Variants in CNOT4 observed in about 807,000 individuals in gnomAD.
CNOT4 encodes the protein CCR4-associated factor 4.
In CNOT4, 8 loss-of-function variants were observed where a neutral mutation model predicts 73.8. The ratio of observed to expected loss-of-function variants is 0.11; its 90% confidence interval spans 0.06 to 0.20. The LOEUF (loss-of-function observed/expected upper bound fraction) is 0.20. CNOT4 is among the 10% of genes least tolerant of loss of function. The pLI, the probability that CNOT4 is intolerant of heterozygous loss-of-function variation, is 1.00. For synonymous variants in CNOT4, 293 were observed against 321.1 expected, an observed-to-expected ratio of 0.91 and a Z score of 0.94; for missense variants, 564 against 883.4, an observed-to-expected ratio of 0.64 and a Z score of 4.58.
chr7:135,490,205 C>G (rs1803016730), intron 1 of CNOT4, among the ~76,000 whole-genome samples: 1 of 152,232 alleles, frequency 6.6e-6, no homozygotes, highest in Non-Finnish European at 1.5e-5. Flanking sequence ...CACTATCATT[C>G]TGTTGAAACA....
chr7:135,434,805 T>C (rs1432066390), intron 2 of CNOT4, among the ~76,000 whole-genome samples: 1 of 152,182 alleles, frequency 6.6e-6, no homozygotes, highest in African/African-American at 2.4e-5. Flanking sequence ...TTTCTGATCT[T>C]CTCAAATGTC....
intron 1 of CNOT4, among the ~76,000 whole-genome samples, chr7:135,448,024 T>C (rs868456675): frequency 6.6e-6 from 1 of 152,130 alleles, no homozygotes; most frequent in Non-Finnish European, 1.5e-5. Flanking sequence ...AGGTGCCATG[T>C]GGTCATACAC....
intron 1 of CNOT4, among the ~76,000 whole-genome samples, chr7:135,489,391 CTTTTTTTTTTTTTT>C (rs71174525): frequency 1.2e-5 from 1 of 84,746 alleles, no homozygotes; most frequent in Non-Finnish European, 2.2e-5. Context: ...AGTCACATTT[CTTTTTTTTTTTTTT>C]TTTTTTTTTT....
intron 7 of CNOT4, among the ~76,000 whole-genome samples, chr7:135,409,399 G>A (rs756187205): frequency 3.3e-5 from 5 of 151,996 alleles, no homozygotes; most frequent in South Asian, 2.1e-4. Flanking sequence ...TTTATGTTTC[G>A]CTTTGTGGCC....
At chr7:135,459,429 T>C (rs1800739157) in intron 1 of CNOT4, among the ~76,000 whole-genome samples, 1 of 152,218 alleles carries the variant, frequency 6.6e-6, no homozygotes, top group Non-Finnish European at 1.5e-5. Context: ...ATCCTAGACC[T>C]CTTTCAAATC....
chr7:135,375,483 A>G (rs58813270), intron 10 of CNOT4, among the ~76,000 whole-genome samples: 5,707 of 152,288 alleles, frequency 0.037, 336 homozygotes, highest in African/African-American at 0.12. Context: ...GAGTACACAC[A>G]AAGCATTCTG....
chr7:135,484,701 G>A (rs1401822357), intron 1 of CNOT4, among the ~76,000 whole-genome samples: 1 of 150,902 alleles, frequency 6.6e-6, no homozygotes, highest in Non-Finnish European at 1.5e-5. Flanking sequence ...GTTGCAGTGA[G>A]TCGAGATTGT....
At chr7:135,494,405 G>A (rs2129487821) in intron 1 of CNOT4, among the ~76,000 whole-genome samples, 1 of 148,076 alleles carries the variant, frequency 6.8e-6, no homozygotes, top group Middle Eastern at 3.8e-3. Context: ...AGGAGGTGGA[G>A]GTTTCAGGGA....
chr7:135,374,609 A>C (rs1342322277), intron 10 of CNOT4, among the ~76,000 whole-genome samples: 2 of 146,984 alleles, frequency 1.4e-5, no homozygotes, highest in Non-Finnish European at 3.0e-5. Context: ...ATGACAGAAT[A>C]GTGGAAACTA....
intron 10 of CNOT4, among the ~76,000 whole-genome samples, chr7:135,383,109 A>G (rs770289349): frequency 2.6e-5 from 4 of 152,196 alleles, no homozygotes; most frequent in African/African-American, 9.7e-5. Context: ...TTCTTACTTT[A>G]TCTCTACTGT....
intron 1 of CNOT4, among the ~76,000 whole-genome samples, chr7:135,500,983 CTTT>C (rs869117346): frequency 3.7e-5 from 5 of 134,508 alleles, no homozygotes; most frequent in African/African-American, 8.4e-5. Context: ...TCTACTAAAC[CTTT>C]TTTTTTTTTT....
At chr7:135,370,947 A>G (rs569715687) in intron 10 of CNOT4, among the ~76,000 whole-genome samples, 1 of 152,176 alleles carries the variant, frequency 6.6e-6, no homozygotes, top group Non-Finnish European at 1.5e-5. Flanking sequence ...ACGCATCAAA[A>G]CTGTTTAAAG....
intron 1 of CNOT4, among the ~76,000 whole-genome samples, chr7:135,488,694 T>C (rs1802903788): frequency 6.6e-6 from 1 of 152,218 alleles, no homozygotes; most frequent in African/African-American, 2.4e-5. Flanking sequence ...TGCACTTTTT[T>C]ACCTGATAAA....
chr7:135,491,313 T>G (rs1015732575), intron 1 of CNOT4, among the ~76,000 whole-genome samples: 4 of 152,124 alleles, frequency 2.6e-5, no homozygotes, highest in Admixed American at 2.6e-4. Context: ...ATAGAGAAGA[T>G]AACCAAGGAG....
intron 1 of CNOT4, among the ~76,000 whole-genome samples, chr7:135,447,823 G>A (rs527824991): frequency 6.6e-6 from 1 of 152,188 alleles, no homozygotes; most frequent in Non-Finnish European, 1.5e-5. Flanking sequence ...GCGCCCCTCT[G>A]GGTCTGAACA....
In CNOT4 at chr7:135,410,043, G is replaced by A. The variant is rs571374054; in HGVS notation, c.821+472C>T. 1.3e-4 allele frequency among the ~76,000 whole-genome samples: 20 copies of A among 152,138 alleles called. No homozygotes were observed. The South Asian group carries it at 3.7e-3, about 28-fold the overall frequency. ...AGATTCTGAATATGGGATACTCCCT[G>A]TTCATTTACAGGATTTAAATGACTT... is the stretch of plus-strand genomic sequence containing the variant. On this transcript the variant is annotated intron_variant, in intron 7 of 11. Transcript: ENST00000541284.
At chr7:135,505,434 C>T (rs1016780732) in intron 1 of CNOT4, among the ~76,000 whole-genome samples, 1 of 152,062 alleles carries the variant, frequency 6.6e-6, no homozygotes, top group Non-Finnish European at 1.5e-5. Context: ...CATCTGTAAT[C>T]CCAGCTACTC....
chr7:135,373,059 G>A (rs1280783316), intron 10 of CNOT4, among the ~76,000 whole-genome samples: 1 of 152,128 alleles, frequency 6.6e-6, no homozygotes, highest in East Asian at 1.9e-4. Context: ...TACACAGGGA[G>A]AATCTGATGG....
At chr7:135,395,118 T>TG (rs1796605581) in intron 9 of CNOT4, among the ~76,000 whole-genome samples, 1 of 152,188 alleles carries the variant, frequency 6.6e-6, no homozygotes, top group African/African-American at 2.4e-5. Context: ...CCAGGTGCAG[T>TG]GCTTCATGCC....
Sources: gnomAD v4.1 joint callset for allele counts (sites outside exome capture counted in the v4.1 genomes callset) on GRCh38, gnomAD v4.1.1 for gene constraint, MANE v1.5 for transcripts, NCBI Gene and HGNC (gene_info 2026-07-23, HGNC 2026-07-21) for gene names.